The following ATP7A variants were observed in gnomAD, a reference collection of about 807,000 sequenced individuals.
ATP7A encodes the protein copper-transporting ATPase 1.
ATP7A carries 7 observed loss-of-function variants against 83.5 expected under a neutral mutation model. That is an observed-to-expected ratio of 0.08 (90% CI 0.05 to 0.16). ATP7A has a LOEUF of 0.16. Among genes scored for constraint, ATP7A ranks in the 10% least tolerant of loss-of-function variants. The pLI, the probability that ATP7A is intolerant of heterozygous loss-of-function variation, is 1.00. For missense variants in ATP7A, 940 were observed against 1,120.8 expected (o/e 0.84, Z 2.30); for synonymous variants, 354 against 395.2 (o/e 0.90, Z 1.24).
chrX:77,977,490 G>A (rs1161981004), intron 2 of ATP7A, among the ~76,000 whole-genome samples: 3 of 112,257 alleles, frequency 2.7e-5, no homozygotes, highest in Non-Finnish European at 5.6e-5. Flanking sequence ...TATTGTAGGT[G>A]AATATTTGTC....
At position 78,045,488 on chromosome X, in the gene ATP7A, G is replaced by A. The variant is rs1557238993; in HGVS notation, c.4142G>A (p.Gly1381Asp). The A allele has an allele frequency of 8.3e-7, 1 of 1,210,789 alleles. No individual in the cohort carries two copies. Among genetic ancestry groups the A allele is most frequent in the South Asian group, 1.8e-5 (1 of 56,986 alleles). The change falls in exon 22 of 23, where the codon GGT becomes GAT. Residue 1381 changes from glycine to aspartate, a missense_variant. Gly to Asp is a moderately conservative substitution (Grantham distance 94). Around this residue, in one of 3 missense-constraint regions of ATP7A, gnomAD observed 386 missense variants for 502.2 expected, o/e 0.77. Coordinates refer to ENST00000341514, the MANE Select transcript of ATP7A (RefSeq NM_000052.7). Reference sequence around the variant, plus strand: ...TTCTTAGGAGTTTTTATGCCCATTGGTTTGGTTTTGCAGCCCTGGATGGGA... The same window carrying A: ...TTCTTAGGAGTTTTTATGCCCATTGATTTGGTTTTGCAGCCCTGGATGGGA... ...PIAAGVFMPI[G>D]LVLQPWMGSA...
intron 13 of ATP7A, 118 bp from the exon 14 acceptor site, chrX:78,020,827 A>T (rs1374671869): frequency 2.3e-6 from 2 of 851,513 alleles, no homozygotes; most frequent in Non-Finnish European, 3.4e-6. Flanking sequence ...GGCCATTAAC[A>T]TGAAGTTTGT....
intron 2 of ATP7A, among the ~76,000 whole-genome samples, chrX:77,981,290 C>T (rs1419557700): frequency 9.0e-6 from 1 of 110,972 alleles, no homozygotes; most frequent in African/African-American, 3.3e-5. Context: ...AGGTAATAAT[C>T]ATTTATCCAT....
At chrX:77,938,684 A>C (rs782807705) in intron 1 of ATP7A, among the ~76,000 whole-genome samples, 1 of 112,140 alleles carries the variant, frequency 8.9e-6, no homozygotes, top group East Asian at 2.8e-4. Context: ...CACCCTGTTT[A>C]TTTCTGTAAA....
intron 4 of ATP7A, among the ~76,000 whole-genome samples, chrX:77,994,844 A>G (rs1439365735): frequency 1.8e-5 from 2 of 111,713 alleles, no homozygotes; most frequent in Non-Finnish European, 3.8e-5. Context: ...GCCTGGCCTC[A>G]GTAACTTTTA....
chrX:78,039,869 A>G (rs1022839621), intron 18 of ATP7A, among the ~76,000 whole-genome samples: 1 of 112,218 alleles, frequency 8.9e-6, no homozygotes, highest in Admixed American at 9.5e-5. Context: ...TGCATAATTT[A>G]TCAATCTTAC....
intron 1 of ATP7A, among the ~76,000 whole-genome samples, chrX:77,957,588 TCTTTA>T (rs2077452330): frequency 9.1e-6 from 1 of 109,954 alleles, no homozygotes; most frequent in Non-Finnish European, 1.9e-5. Flanking sequence ...GTAGATTGTC[TCTTTA>T]CTTTGTTAAT....
At chrX:78,023,851 C>T (rs781991847) in intron 14 of ATP7A, among the ~76,000 whole-genome samples, 1 of 111,492 alleles carries the variant, frequency 9.0e-6, no homozygotes, top group South Asian at 3.7e-4. Flanking sequence ...TTTTTGAGGT[C>T]TTAGTCATAA....
At position 78,036,231 on chromosome X, in the gene ATP7A, G is replaced by C. The variant is rs782346683; in HGVS notation, c.3511+2410G>C. On this transcript the variant is annotated intron_variant, in intron 17 of 22. Coordinates refer to ENST00000341514, the MANE Select transcript of ATP7A (RefSeq NM_000052.7). ...AGTGCTGTGGAGGAAAATTAAGTGGGGCAAGGGGCATAGGGGTGCTGGGAG... is the reference window on the plus strand; with the variant it reads ...AGTGCTGTGGAGGAAAATTAAGTGGCGCAAGGGGCATAGGGGTGCTGGGAG... Among the ~76,000 whole-genome samples, 149 of 111,401 alleles carry C rather than the reference G, an allele frequency of 1.3e-3. 1 individual carries two copies. The highest frequency in any genetic ancestry group is 4.7e-3 in the African/African-American group (143 of 30,669).
chrX:77,914,490 C>T (rs1292882079), intron 1 of ATP7A, among the ~76,000 whole-genome samples: 1 of 111,324 alleles, frequency 9.0e-6, no homozygotes, highest in Non-Finnish European at 1.9e-5. Context: ...ACCTCCGCCT[C>T]CTGGGTTCTA....
chrX:78,003,258 A>G, intron 6 of ATP7A, 22 bp downstream of exon 6: 1 of 1,197,029 alleles, frequency 8.4e-7, no homozygotes, highest in East Asian at 3.0e-5. Context: ...TTTTTGTGTG[A>G]TTAATAAAAC....
At chrX:78,002,495 A>ATT (rs2077746719) in intron 5 of ATP7A, among the ~76,000 whole-genome samples, 6 of 111,492 alleles carry the variant, frequency 5.4e-5, no homozygotes, top group African/African-American at 2.0e-4. Context: ...AAGTCAAACA[A>ATT]AAAACTGTTG....
intron 2 of ATP7A, among the ~76,000 whole-genome samples, chrX:77,984,763 GC>G (rs1191764534): frequency 4.5e-5 from 5 of 111,783 alleles, no homozygotes; most frequent in Non-Finnish European, 7.5e-5. Context: ...AAGTCTCTTT[GC>G]TATCTAACAT....
chrX:77,961,900 T>G (rs1557228116), intron 1 of ATP7A, among the ~76,000 whole-genome samples: 1 of 111,499 alleles, frequency 9.0e-6, no homozygotes, highest in Non-Finnish European at 1.9e-5. Flanking sequence ...CCCCCCTGAT[T>G]ATCAAAAAAG....
Position 78,049,749 on chromosome X carries a change from A to C in ATP7A, c.*3179A>C, listed in dbSNP as rs1469256654. On this transcript the variant is annotated 3_prime_UTR_variant, in exon 23 of 23. Coordinates refer to ENST00000341514, the MANE Select transcript of ATP7A (RefSeq NM_000052.7). ...ATAGCACTGTAGACAAGATGTTTCC[A>C]AAACTTTAAGTGCGCATATCTTTTC... The C allele has an allele frequency of 8.9e-6, 1 of 112,632 alleles. No homozygotes were observed. The highest frequency in any genetic ancestry group is 3.2e-5 in the African/African-American group (1 of 31,024). 9.3% of individuals were successfully genotyped at this position (112,632 alleles called of 1,213,427 possible). A position where few individuals can be genotyped will look rare whatever the true frequency, so the allele number is the denominator to read the frequency against.
intron 4 of ATP7A, among the ~76,000 whole-genome samples, chrX:77,995,443 CT>C (rs1172484846): frequency 2.8e-5 from 3 of 107,529 alleles, no homozygotes. Flanking sequence ...TGGTGGGCGC[CT>C]GTAATCCCAG....
intron 10 of ATP7A, among the ~76,000 whole-genome samples, chrX:78,014,094 A>G (rs1361976710): frequency 9.0e-6 from 1 of 110,921 alleles, no homozygotes; most frequent in Non-Finnish European, 1.9e-5. Flanking sequence ...ATTATACCTA[A>G]TAATACTTTT....
chrX:77,993,371 C>T (rs1356541252), intron 4 of ATP7A, among the ~76,000 whole-genome samples: 3 of 111,861 alleles, frequency 2.7e-5, no homozygotes, highest in Non-Finnish European at 5.6e-5. Context: ...AAATCAGACT[C>T]TGGCCCACTG....
chrX:77,995,947 A>G (rs1557232509), intron 4 of ATP7A, among the ~76,000 whole-genome samples: 1 of 111,236 alleles, frequency 9.0e-6, no homozygotes, highest in Admixed American at 9.6e-5. Flanking sequence ...GGGTTTCACC[A>G]TGTTGGCCAG....
Sources: allele counts gnomAD v4.1 joint callset (sites outside exome capture counted in the v4.1 genomes callset), GRCh38; gene constraint gnomAD v4.1.1; regional missense constraint gnomAD v4.1.1; transcripts MANE v1.5; gene names NCBI Gene and HGNC (gene_info 2026-07-23, HGNC 2026-07-21).